ARHGAP15: variants seen among roughly 807,000 people sequenced by gnomAD.
ARHGAP15 encodes the protein Rho GTPase activating protein 15, also known as rho GTPase-activating protein 15.
Under a neutral mutation model 63.7 loss-of-function variants are expected in ARHGAP15, and 51 were observed. The ratio of observed to expected loss-of-function variants is 0.80; its 90% CI spans 0.64 to 1.01. The LOEUF (loss-of-function observed/expected upper bound fraction) is 1.01. Among genes scored for constraint, ARHGAP15 ranks in the 50% least tolerant of loss-of-function variants. ARHGAP15 has a pLI of 0.00. For synonymous variants in ARHGAP15, 191 were observed against 193.8 expected, an observed-to-expected ratio of 0.99 and a Z score of 0.12; for missense variants, 560 against 564.6, an observed-to-expected ratio of 0.99 and a Z score of 0.08.
At chr2:143,383,149 T>C (rs1170678619) in intron 6 of ARHGAP15, among the ~76,000 whole-genome samples, 1 of 152,172 alleles carries the variant, frequency 6.6e-6, no homozygotes, top group Non-Finnish European at 1.5e-5. Flanking sequence ...ATTTAAAAAG[T>C]CTTTTAAATT....
chr2:143,150,583 A>G (rs908180281), intron 1 of ARHGAP15, among the ~76,000 whole-genome samples: 2 of 152,030 alleles, frequency 1.3e-5, no homozygotes, highest in African/African-American at 4.8e-5. Context: ...AGTCTAGAGA[A>G]TAGTGAAGCC....
chr2:143,447,611 A>G (rs1188057314), intron 8 of ARHGAP15, among the ~76,000 whole-genome samples: 2 of 152,224 alleles, frequency 1.3e-5, no homozygotes, highest in Non-Finnish European at 2.9e-5. Flanking sequence ...GCCTGGAGGT[A>G]TAAGCCAAGA....
At chr2:143,436,867 T>A (rs755585857) in intron 7 of ARHGAP15, 46 bp from the exon 8 acceptor site, 1 of 1,581,822 alleles carries the variant, frequency 6.3e-7, no homozygotes, top group Non-Finnish European at 8.5e-7. Context: ...TGGTGAATCC[T>A]TTCTTTCTAG....
chr2:143,644,364 CAG>C (rs1305655516), intron 12 of ARHGAP15, among the ~76,000 whole-genome samples: 1 of 151,976 alleles, frequency 6.6e-6, no homozygotes, highest in Non-Finnish European at 1.5e-5. Context: ...GGGGAGAAGA[CAG>C]AAAGTTAGAG....
intron 1 of ARHGAP15, among the ~76,000 whole-genome samples, chr2:143,131,709 C>T (rs1347962210): frequency 6.6e-6 from 1 of 152,076 alleles, no homozygotes; most frequent in Non-Finnish European, 1.5e-5. Flanking sequence ...AGAGCTTTGA[C>T]TTCCTAGCCA....
intron 11 of ARHGAP15, among the ~76,000 whole-genome samples, chr2:143,619,356 C>T (rs1441560262): frequency 6.6e-6 from 1 of 152,112 alleles, no homozygotes; most frequent in Non-Finnish European, 1.5e-5. Context: ...TTGGGTACAA[C>T]ATTTAGGTTG....
chr2:143,435,961 C>T (rs1689596172), intron 7 of ARHGAP15, among the ~76,000 whole-genome samples: 1 of 151,842 alleles, frequency 6.6e-6, no homozygotes, highest in Non-Finnish European at 1.5e-5. Context: ...TTACTGGAGG[C>T]TGTAAAAAGC....
intron 13 of ARHGAP15, among the ~76,000 whole-genome samples, chr2:143,749,560 G>A (rs913414935): frequency 2.0e-5 from 3 of 152,140 alleles, no homozygotes; most frequent in South Asian, 2.1e-4. Context: ...CAGCCTTGGT[G>A]TCACATTGTT....
At chr2:143,490,893 G>T (rs577088368) in intron 9 of ARHGAP15, among the ~76,000 whole-genome samples, 3 of 152,224 alleles carry the variant, frequency 2.0e-5, no homozygotes, top group African/African-American at 7.2e-5. Context: ...CTCCCAAAGC[G>T]CTGGAATTAC....
At chr2:143,524,836 C>T (rs906798245) in intron 10 of ARHGAP15, among the ~76,000 whole-genome samples, 8 of 152,168 alleles carry the variant, frequency 5.3e-5, no homozygotes, top group Admixed American at 1.3e-4. Context: ...ATACATGTTG[C>T]ATTTGCATAT....
chr2:143,641,540 T>G (rs1432763775), intron 12 of ARHGAP15, among the ~76,000 whole-genome samples: 1 of 152,146 alleles, frequency 6.6e-6, no homozygotes, highest in Non-Finnish European at 1.5e-5. Flanking sequence ...AGGAGATTAA[T>G]TATTTTAAAA....
rs114813651 is a variant in ARHGAP15, at chr2:143,167,272, C to T, written c.165+11617C>T. On this transcript the variant is annotated intron_variant, in intron 2 of 13. Coordinates refer to ENST00000295095, the MANE Select transcript of ARHGAP15 (RefSeq NM_018460.4). ...AGCAGTTTTTATCATTAGTGTTATT[C>T]TTATCTATTCTTTATTCTTATCATG... Among the ~76,000 whole-genome samples, 35 of 152,144 alleles carry T rather than the reference C, an allele frequency of 2.3e-4. No individual in the cohort carries two copies. The East Asian group carries it at 6.6e-3, about 29-fold the overall frequency.
At chr2:143,533,111 T>A (rs922393143) in intron 10 of ARHGAP15, 1 of 152,206 alleles carries the variant, frequency 6.6e-6, no homozygotes, top group African/African-American at 2.4e-5. Flanking sequence ...ACATTTATAC[T>A]CAAATTCCTG....
At chr2:143,318,739 A>T (rs1354471613) in intron 6 of ARHGAP15, among the ~76,000 whole-genome samples, 1 of 152,078 alleles carries the variant, frequency 6.6e-6, no homozygotes, top group Non-Finnish European at 1.5e-5. Context: ...AATCTAAGTT[A>T]AGTCTCAGTC....
chr2:143,375,804 C>T (rs1016390558), intron 6 of ARHGAP15, among the ~76,000 whole-genome samples: 1 of 152,136 alleles, frequency 6.6e-6, no homozygotes, highest in Non-Finnish European at 1.5e-5. Flanking sequence ...ATTCCGGCAG[C>T]CAAGAACAGG....
chr2:143,565,802 A>C (rs1294994112), intron 11 of ARHGAP15, among the ~76,000 whole-genome samples: 1 of 152,188 alleles, frequency 6.6e-6, no homozygotes, highest in Non-Finnish European at 1.5e-5. Flanking sequence ...GTCCTCCAAA[A>C]TGTTGGAAAT....
At chr2:143,476,052 G>T (rs1400307639) in intron 8 of ARHGAP15, among the ~76,000 whole-genome samples, 2 of 152,074 alleles carry the variant, frequency 1.3e-5, no homozygotes, top group African/African-American at 4.8e-5. Flanking sequence ...TTTTAGAGGG[G>T]TGCCAATTTC....
At chr2:143,525,673 A>G (rs1318079803) in intron 10 of ARHGAP15, among the ~76,000 whole-genome samples, 1 of 152,118 alleles carries the variant, frequency 6.6e-6, no homozygotes, top group Admixed American at 6.6e-5. Context: ...CCTTCCTGAC[A>G]GCACAGTGTT....
At chr2:143,252,071 A>G (rs936588311) in intron 6 of ARHGAP15, among the ~76,000 whole-genome samples, 9 of 152,058 alleles carry the variant, frequency 5.9e-5, no homozygotes, top group African/African-American at 2.2e-4. Flanking sequence ...CCAAAATTGT[A>G]AAAGATGTTG....
Sources: allele counts gnomAD v4.1 joint callset (sites outside exome capture counted in the v4.1 genomes callset), GRCh38; gene constraint gnomAD v4.1.1; transcripts MANE v1.5; gene names NCBI Gene and HGNC (gene_info 2026-07-23, HGNC 2026-07-21).